The following UMODL1 variants were observed in gnomAD, a reference collection of about 807,000 sequenced individuals.
The protein encoded by UMODL1 is uromodulin like 1, also known as uromodulin-like 1.
Under a neutral mutation model 136.3 loss-of-function variants are expected in UMODL1, and 128 were observed. The ratio of observed to expected loss-of-function variants is 0.94; its 90% CI spans 0.81 to 1.09. The LOEUF is 1.09. Ranked by LOEUF, UMODL1 falls within the 50% of genes least tolerant of loss-of-function variation. The pLI is 0.00. For missense variants in UMODL1, 1,766 were observed against 1,725.6 expected (o/e 1.02, Z -0.41); for synonymous variants, 721 against 720.0 (o/e 1.00, Z -0.02).
At position 42,106,230 on chromosome 21, in the gene UMODL1, C is replaced by T. The variant is rs528113801; in HGVS notation, c.1519+2143C>T. On this transcript the variant is annotated intron_variant, in intron 9 of 22. Coordinates refer to ENST00000408910, the MANE Select transcript of UMODL1 (RefSeq NM_001004416.3). ...ACCGCCCCTGCCTGGGGAGGCAGCACGAGGCCTGAGCCCAGCTTACAGGGG... is the reference window on the plus strand; with the variant it reads ...ACCGCCCCTGCCTGGGGAGGCAGCATGAGGCCTGAGCCCAGCTTACAGGGG... Among the ~76,000 whole-genome samples the T allele has an allele frequency of 1.2e-4, 18 of 152,320 alleles. 1 individual carries two copies. The South Asian group carries it at 1.9e-3, about 16-fold the overall frequency.
intron 21 of UMODL1, among the ~76,000 whole-genome samples, chr21:42,133,197 G>A (rs2067156162): frequency 6.6e-6 from 1 of 152,250 alleles, no homozygotes. Flanking sequence ...CAGAAACACT[G>A]TTGGAGACTG....
Position 42,083,692 on chromosome 21 carries a change from G to A in UMODL1, c.320-392G>A, listed in dbSNP as rs749079111. Among the ~76,000 whole-genome samples, 6 of 152,248 alleles carry A rather than the reference G, an allele frequency of 3.9e-5. No homozygotes were observed. In the East Asian group the frequency reaches 7.7e-4, roughly 20 times the overall value. On this transcript the variant is annotated intron_variant, in intron 2 of 22. Transcript: ENST00000408910. ...CCTGAAGGCTGGGCCCTGGGCACCC[G>A]GCATTGTGCCCGGCACATAGCAGGT...
Position 42,109,411 on chromosome 21 carries a change from A to G in UMODL1, c.1520-151A>G, listed in dbSNP as rs554111952. On this transcript the variant is annotated intron_variant, in intron 9 of 22. Coordinates refer to ENST00000408910, the MANE Select transcript of UMODL1 (RefSeq NM_001004416.3). ...GGCACAGGCAGGCCGTAAGGTTGTC[A>G]TGAGAGTGTTGGACGGATGCCCCAA... 1.9e-5 allele frequency: 19 copies of G among 1,014,984 alleles called. No individual in the cohort carries two copies. In the African/African-American group the frequency reaches 2.1e-4, roughly 11 times the overall value. The allele number at this position is 1,014,984 out of a possible 1,614,324, so 62.9% of individuals were successfully genotyped here.
intron 10 of UMODL1, among the ~76,000 whole-genome samples, chr21:42,110,567 A>G (rs2066806629): frequency 6.6e-6 from 1 of 152,204 alleles, no homozygotes; most frequent in Admixed American, 6.5e-5. Context: ...CTGATGGATT[A>G]ATCTGAGGCC....
chr21:42,106,971 C>A (rs1285500356), intron 9 of UMODL1, among the ~76,000 whole-genome samples: 1 of 152,182 alleles, frequency 6.6e-6, no homozygotes, highest in African/African-American at 2.4e-5. Flanking sequence ...GCCCCTCCAG[C>A]GTTCAGGGCT....
chr21:42,110,755 C>A, intron 10 of UMODL1, 125 bp from the exon 11 acceptor site: 1 of 952,092 alleles, frequency 1.1e-6, no homozygotes, highest in Non-Finnish European at 1.5e-6. Flanking sequence ...CGCCCGCCTG[C>A]GTCCCTGGCC....
rs372433102 is a variant in UMODL1 at position 42,090,354 on chromosome 21, G to A, written c.847G>A (p.Ala283Thr). 43 of 1,614,024 alleles carry A rather than the reference G, an allele frequency of 2.7e-5. No individual in the cohort carries two copies. The highest frequency in any genetic ancestry group is 3.3e-4 in the Middle Eastern group (2 of 6,084). ...TGCCTGCTCTGGAAGGGAACTGTGC[G>A]CAAACCTGGAGGGCTCGTACTGGTG... ...LNACSGRELC[A>T]NLEGSYWCVC... Residue 283 changes from alanine (A) to threonine (T), a missense_variant, in exon 6 of 23, where the codon GCA (alanine) becomes ACA (threonine). Transcript: ENST00000408910.
rs979749418 is a variant in UMODL1 at position 42,134,606 on chromosome 21, A to T, written c.3776-2833A>T. On this transcript the variant is annotated intron_variant, in intron 21 of 22. Transcript: ENST00000408910. ...TCTTTTTTAATTTTTTAATTTTTAA[A>T]ATTAGTTAATTAATTTATTTATTTT... is the stretch of plus-strand genomic sequence containing the variant. Among the ~76,000 whole-genome samples, 4 of 151,994 alleles carry T rather than the reference A, an allele frequency of 2.6e-5. No homozygotes were observed. The East Asian group carries it at 7.7e-4, about 29-fold the overall frequency.
chr21:42,063,835 G>T (rs2066161281), intron 1 of UMODL1, among the ~76,000 whole-genome samples: 1 of 152,176 alleles, frequency 6.6e-6, no homozygotes, highest in South Asian at 2.1e-4. Flanking sequence ...TTCGGAAGCA[G>T]CCGTGTGCAC....
chr21:42,131,004 G>A lies in UMODL1; in HGVS notation c.3775+1207G>A, dbSNP rs892896531. On this transcript the variant is annotated intron_variant, in intron 21 of 22. Transcript: ENST00000408910. Reference sequence around the variant, plus strand: ...AATTTTTTGTATCTTTAGTAGAGACGGAGTTTCACTGTGTTAGCCAGGATG... The same window carrying A: ...AATTTTTTGTATCTTTAGTAGAGACAGAGTTTCACTGTGTTAGCCAGGATG... Among the ~76,000 whole-genome samples, 5 of 151,984 alleles carry A rather than the reference G, an allele frequency of 3.3e-5. No individual in the cohort carries two copies. The East Asian group carries it at 9.6e-4, about 29-fold the overall frequency.
chr21:42,105,803 C>T (rs1205198628), intron 9 of UMODL1, among the ~76,000 whole-genome samples: 3 of 151,978 alleles, frequency 2.0e-5, no homozygotes, highest in African/African-American at 4.8e-5. Context: ...TCCGGAACGG[C>T]GGGAATACAT....
chr21:42,110,760 C>T, intron 10 of UMODL1, 120 bp from the exon 11 acceptor site: 1 of 1,024,334 alleles, frequency 9.8e-7, no homozygotes, highest in East Asian at 2.6e-5. Flanking sequence ...GCCTGCGTCC[C>T]TGGCCAGGTC....
At position 42,076,203 on chromosome 21, in the gene UMODL1, A is replaced by G; in HGVS notation, c.275A>G (p.Asp92Gly). 6.2e-7 allele frequency: 1 copy of G among 1,614,210 alleles called. No individual in the cohort carries two copies. Reference sequence around the variant, plus strand: ...GTCCCCGAGTCCAGGAACGTGACTGACTGCTGTGAGGGCTATGAACAGCTC... The same window carrying G: ...GTCCCCGAGTCCAGGAACGTGACTGGCTGCTGTGAGGGCTATGAACAGCTC... ...VEVPESRNVTDCCEGYEQLGL... is the reference protein window; with the variant it reads ...VEVPESRNVTGCCEGYEQLGL... Residue 92 changes from aspartate to glycine, a missense_variant, in exon 2 of 23, where the codon GAC (aspartate) becomes GGC (glycine). Physicochemically the swap from Asp to Gly is moderately conservative, Grantham distance 94. Coordinates refer to ENST00000408910, the MANE Select transcript of UMODL1 (RefSeq NM_001004416.3).
intron 18 of UMODL1, 112 bp from the exon 19 acceptor site, chr21:42,126,894 G>T: frequency 1.1e-6 from 1 of 915,980 alleles, no homozygotes; most frequent in Admixed American, 1.8e-5. Flanking sequence ...GGGTCTTCTC[G>T]TTCATTTGCA....
At chr21:42,065,277 A>G (rs2066174222) in intron 1 of UMODL1, among the ~76,000 whole-genome samples, 1 of 152,216 alleles carries the variant, frequency 6.6e-6, no homozygotes, top group East Asian at 1.9e-4. Context: ...GCCACACTAT[A>G]AACTCATTCA....
At position 42,127,078 on chromosome 21, in the gene UMODL1, C is replaced by T; in HGVS notation, c.3366C>T (p.Asp1122=). The T allele has an allele frequency of 6.2e-7, 1 of 1,614,232 alleles. No homozygotes were observed. The highest frequency in any genetic ancestry group is 8.5e-7 in the Non-Finnish European group (1 of 1,180,050). ...CCGAAATGCAGTTGTTTATCGGAGA[C>T]TCTCCCATACCTCAGAATTATAGCG... is the stretch of plus-strand genomic sequence containing the variant. ...FVTEMQLFIG[D]SPIPQNYSVS... Residue 1122 remains aspartate (D), a synonymous_variant, in exon 19 of 23, where the codon GAC becomes GAT. Transcript: ENST00000408910.
chr21:42,120,133 A>G (rs1183628607), intron 15 of UMODL1, among the ~76,000 whole-genome samples: 1 of 152,268 alleles, frequency 6.6e-6, no homozygotes, highest in Non-Finnish European at 1.5e-5. Context: ...ATTAGAATGC[A>G]TTGCACTGTT....
At chr21:42,128,729 C>G (rs986090909) in intron 20 of UMODL1, among the ~76,000 whole-genome samples, 3 of 152,228 alleles carry the variant, frequency 2.0e-5, no homozygotes, top group African/African-American at 7.2e-5. Flanking sequence ...CACGGACAGC[C>G]ACCGCCAGGC....
rs773400874 is a variant in UMODL1, at chr21:42,076,174, G to A, written c.246G>A (p.Val82=). The A allele has an allele frequency of 3.3e-5, 53 of 1,614,132 alleles. No individual in the cohort carries two copies. The highest frequency in any genetic ancestry group is 4.4e-5 in the Non-Finnish European group (52 of 1,180,046). ...KMVYRTQYLV[V]EVPESRNVTD... ...TTTACCGGACACAGTACCTGGTAGTGGAGGTCCCCGAGTCCAGGAACGTGA... is the reference window on the plus strand; with the variant it reads ...TTTACCGGACACAGTACCTGGTAGTAGAGGTCCCCGAGTCCAGGAACGTGA... The change falls in exon 2 of 23, where the codon GTG becomes GTA. Residue 82 remains valine, a synonymous_variant. Coordinates refer to ENST00000408910, the MANE Select transcript of UMODL1 (RefSeq NM_001004416.3).
Sources: allele counts gnomAD v4.1 joint callset (sites outside exome capture counted in the v4.1 genomes callset), GRCh38; gene constraint gnomAD v4.1.1; transcripts MANE v1.5; gene names NCBI Gene and HGNC (gene_info 2026-07-23, HGNC 2026-07-21).